Variants in CD8B2 observed in about 807,000 individuals in gnomAD.
CD8B2 encodes the protein CD8B family member 2, also known as T-cell surface glycoprotein CD8 beta-2 chain.
A neutral mutation model predicts 23.7 loss-of-function variants in CD8B2; 11 were observed. The ratio of observed to expected loss-of-function variants is 0.46; its 90% confidence interval spans 0.29 to 0.77. The LOEUF is 0.77. Ranked by LOEUF, CD8B2 falls within the 30% of genes least tolerant of loss-of-function variation. The pLI is 0.09. For missense variants in CD8B2, 197 were observed against 270.5 expected (o/e 0.73, Z 1.91); for synonymous variants, 90 against 109.3 (o/e 0.82, Z 1.10).
chr2:106,540,887 T>G (rs1680162045), intron 5 of CD8B2, among the ~76,000 whole-genome samples: 1 of 152,218 alleles, frequency 6.6e-6, no homozygotes. Flanking sequence ...AACTACCTTT[T>G]GCAGTAAGTA....
At chr2:106,524,776 CA>C (rs1319037643) in intron 5 of CD8B2, among the ~76,000 whole-genome samples, 1 of 152,126 alleles carries the variant, frequency 6.6e-6, no homozygotes, top group African/African-American at 2.4e-5. Flanking sequence ...TTATTTTTGC[CA>C]GTGCAAACTG....
At chr2:106,494,481 T>G (rs1043114568) in intron 2 of CD8B2, among the ~76,000 whole-genome samples, 22 of 151,946 alleles carry the variant, frequency 1.4e-4, no homozygotes, top group African/African-American at 5.3e-4. Context: ...TCTTTTTTTT[T>G]TTCTGTCCCC....
At chr2:106,503,819 A>G (rs1021025604) in intron 4 of CD8B2, among the ~76,000 whole-genome samples, 5 of 152,230 alleles carry the variant, frequency 3.3e-5, no homozygotes, top group African/African-American at 1.2e-4. Context: ...ACAAATGTCA[A>G]TAGACATGCT....
chr2:106,491,561 T>A (rs1051536232), intron 2 of CD8B2, among the ~76,000 whole-genome samples: 26 of 152,162 alleles, frequency 1.7e-4, no homozygotes, highest in African/African-American at 5.1e-4. Flanking sequence ...TTATTTATTT[T>A]TTTTGAGACA....
intron 3 of CD8B2, among the ~76,000 whole-genome samples, chr2:106,498,055 A>T (rs1346326803): frequency 6.6e-6 from 1 of 152,246 alleles, no homozygotes; most frequent in African/African-American, 2.4e-5. Flanking sequence ...ATCTTCATGT[A>T]AGGACAGCTG....
At chr2:106,544,297 A>G (rs966453734) in exon 6 of CD8B2, 2 of 359,374 alleles carry the variant, frequency 5.6e-6, no homozygotes, top group African/African-American at 4.2e-5. Flanking sequence ...TAATGACTAA[A>G]TGTAGCTTGC....
At chr2:106,536,700 A>G (rs543415131) in intron 5 of CD8B2, among the ~76,000 whole-genome samples, 1 of 152,352 alleles carries the variant, frequency 6.6e-6, no homozygotes, top group East Asian at 1.9e-4. Context: ...GTGCAGGTGC[A>G]TCTCAAAGGG....
intron 5 of CD8B2, chr2:106,521,733 G>A (rs1679828637): frequency 6.6e-6 from 1 of 152,200 alleles, no homozygotes; most frequent in African/African-American, 2.4e-5. Context: ...GGAGAATTTG[G>A]TCACCCAGGT....
At chr2:106,495,203 C>T (rs1170973335) in intron 2 of CD8B2, among the ~76,000 whole-genome samples, 2 of 152,140 alleles carry the variant, frequency 1.3e-5, no homozygotes, top group Non-Finnish European at 2.9e-5. Flanking sequence ...CAGAAAAATG[C>T]TATGACTTGT....
chr2:106,501,667 G>C (rs1374710752), intron 3 of CD8B2, among the ~76,000 whole-genome samples: 1 of 152,150 alleles, frequency 6.6e-6, no homozygotes, highest in Admixed American at 6.5e-5. Context: ...GGGCGACAGA[G>C]CGAGACTCTG....
chr2:106,530,516 C>T (rs1047412579), intron 5 of CD8B2, among the ~76,000 whole-genome samples: 3 of 152,138 alleles, frequency 2.0e-5, no homozygotes, highest in Admixed American at 2.0e-4. Flanking sequence ...GTAGCTGGGA[C>T]TACAGGCGCC....
At chr2:106,504,426 A>T in intron 5 of CD8B2, 101 bp downstream of exon 5, 1 of 1,545,376 alleles carries the variant, frequency 6.5e-7, no homozygotes, top group East Asian at 2.5e-5. Flanking sequence ...TCATCTTCCA[A>T]AGATCATAGA....
intron 5 of CD8B2, among the ~76,000 whole-genome samples, chr2:106,532,112 T>TGA (rs1679996208): frequency 6.6e-6 from 1 of 152,236 alleles, no homozygotes; most frequent in Admixed American, 6.5e-5. Flanking sequence ...CACAGTTAGC[T>TGA]GAGCCCTGTC....
intron 3 of CD8B2, among the ~76,000 whole-genome samples, chr2:106,501,026 C>T (rs4318386): frequency 6.6e-6 from 1 of 151,348 alleles, no homozygotes; most frequent in Non-Finnish European, 1.5e-5. Flanking sequence ...GCACTATTGG[C>T]GGGTGGGGAC....
intron 4 of CD8B2, among the ~76,000 whole-genome samples, chr2:106,503,505 T>C (rs1373885196): frequency 6.6e-6 from 1 of 152,216 alleles, no homozygotes; most frequent in Non-Finnish European, 1.5e-5. Context: ...AAGGACCTCA[T>C]TGGTAAAATA....
At chr2:106,526,134 C>T (rs568677106) in intron 5 of CD8B2, among the ~76,000 whole-genome samples, 2 of 151,408 alleles carry the variant, frequency 1.3e-5, no homozygotes, top group Non-Finnish European at 1.5e-5. Context: ...CCCAGCTATT[C>T]GGAGGCTGGG....
intron 5 of CD8B2, among the ~76,000 whole-genome samples, chr2:106,541,994 T>C (rs889637568): frequency 1.3e-5 from 2 of 152,228 alleles, no homozygotes; most frequent in Non-Finnish European, 2.9e-5. Flanking sequence ...CCGTTCCCCA[T>C]GGCTCAGCCT....
chr2:106,503,144 A>G (rs1334001477), intron 4 of CD8B2, among the ~76,000 whole-genome samples: 9 of 151,374 alleles, frequency 5.9e-5, no homozygotes, highest in Admixed American at 4.6e-4. Flanking sequence ...TGGGTTCACA[A>G]GAAAGACGGG....
intron 2 of CD8B2, among the ~76,000 whole-genome samples, chr2:106,492,897 G>A (rs1679220816): frequency 6.6e-6 from 1 of 152,198 alleles, no homozygotes; most frequent in South Asian, 2.1e-4. Flanking sequence ...GACTTTGGGA[G>A]TTTGGGGTTT....
Sources: allele counts gnomAD v4.1 joint callset (sites outside exome capture counted in the v4.1 genomes callset), GRCh38; gene constraint gnomAD v4.1.1; transcripts MANE v1.5; gene names NCBI Gene and HGNC (gene_info 2026-07-23, HGNC 2026-07-21).